The following MYH3 variants were observed in gnomAD, a reference collection of about 807,000 sequenced individuals.
MYH3 encodes myosin heavy chain 3.
MYH3 carries 130 observed loss-of-function variants against 238.0 expected under a neutral mutation model. That is an observed-to-expected ratio of 0.55 (90% confidence interval 0.47 to 0.63). MYH3 has a LOEUF of 0.63. Among genes scored for constraint, MYH3 ranks in the 30% least tolerant of loss-of-function variants. The pLI, the probability that MYH3 is intolerant of heterozygous loss-of-function variation, is 0.00. For missense variants in MYH3, 1,853 were observed against 2,374.9 expected, an observed-to-expected ratio of 0.78 and a Z score of 4.57; for synonymous variants, 880 against 924.1, an observed-to-expected ratio of 0.95 and a Z score of 0.86.
Position 10,633,380 on chromosome 17 carries a change from C to G in MYH3, c.4647+211G>C, listed in dbSNP as rs113342826. Among the ~76,000 whole-genome samples the G allele has an allele frequency of 1.9e-3, 288 of 152,202 alleles. 3 individuals carry two copies. The highest frequency in any genetic ancestry group is 6.3e-3 in the African/African-American group (263 of 41,522). On this transcript the variant is annotated intron_variant, in intron 33 of 40. Coordinates refer to ENST00000583535, the MANE Select transcript of MYH3 (RefSeq NM_002470.4). ...ATTTTGTAAAATCTCATCTTTAGGC[C>G]TATTTAATATGACAGTCTTCTCCAA...
At position 10,654,987 on chromosome 17, in the gene MYH3, C is replaced by T; in HGVS notation, c.78G>A (p.Glu26=). 1.2e-6 allele frequency: 2 copies of T among 1,614,178 alleles called. No homozygotes were observed. Among genetic ancestry groups the T allele is most frequent in the Non-Finnish European group, 1.7e-6 (2 of 1,180,030 alleles). ...TGGCATCAAAGGGCTGGTTCTGAGC[C>T]TCGATCCTCTCCTTTTCTGACTTCC... is the stretch of plus-strand genomic sequence containing the variant. ...FLRKSEKERI[E]AQNQPFDAKT... The change falls in exon 3 of 41, where the codon GAG becomes GAA. Residue 26 remains glutamate (E), a synonymous_variant. Coordinates refer to ENST00000583535, the MANE Select transcript of MYH3 (RefSeq NM_002470.4). The surrounding 1 kb of genome is among the most constrained non-coding windows in gnomAD (Gnocchi z 4.5).
Position 10,641,214 on chromosome 17 carries a change from A to C in MYH3, c.2048-12T>G, listed in dbSNP as rs1482093848. The C allele has an allele frequency of 4.3e-6, 7 of 1,612,820 alleles. No individual in the cohort carries two copies. The Middle Eastern group carries it at 5.0e-4, about 114-fold the overall frequency. On this transcript the variant is annotated splice_polypyrimidine_tract_variant and intron_variant, in intron 18 of 40. Transcript: ENST00000583535. Reference sequence around the variant, plus strand: ...GTGTTCCATAGCCCCTGGGAACAGAAGCGAGATATCAGCCTTACACAGAAT... The same window carrying C: ...GTGTTCCATAGCCCCTGGGAACAGACGCGAGATATCAGCCTTACACAGAAT...
At position 10,643,931 on chromosome 17, in the gene MYH3, G is replaced by A. The variant is rs370252371; in HGVS notation, c.1410+420C>T. Reference sequence around the variant, plus strand: ...TCCCAACACTTTCGGAGGCCGAGGCGGATGGATCACTTGAGGTCAGGAGTT... The same window carrying A: ...TCCCAACACTTTCGGAGGCCGAGGCAGATGGATCACTTGAGGTCAGGAGTT... On this transcript the variant is annotated intron_variant, in intron 14 of 40. Coordinates refer to ENST00000583535, the MANE Select transcript of MYH3 (RefSeq NM_002470.4). Among the ~76,000 whole-genome samples, 24 of 152,068 alleles carry A rather than the reference G, an allele frequency of 1.6e-4. 1 individual carries two copies. Among genetic ancestry groups the A allele is most frequent in the Admixed American group, 1.3e-4 (2 of 15,264 alleles).
upstream of MYH3, among the ~76,000 whole-genome samples, chr17:10,661,037 C>T (rs1235857164): frequency 1.1e-4 from 16 of 150,920 alleles, no homozygotes; most frequent in African/African-American, 2.9e-4. Context: ...AGTGCGATGG[C>T]GCTATCTTAG....
Position 10,640,168 on chromosome 17 carries a change from AT to A in MYH3, c.2509del (p.Ile837SerfsTer17). On this transcript the variant is annotated frameshift_variant, in exon 22 of 41. Transcript: ENST00000583535. LOFTEE classifies it high-confidence loss of function. ...HWPWMKLFFK[I>X]KPLLKSAETE... ...CTCTGCACTCTTGAGGAGGGGCTTGATCTTGAAGAAGAGTTTCATCCAGGGC... is the reference window on the plus strand; with the variant it reads ...CTCTGCACTCTTGAGGAGGGGCTTGACTTGAAGAAGAGTTTCATCCAGGGC... 3 of 1,614,090 alleles carry A rather than the reference AT, an allele frequency of 1.9e-6. No individual in the cohort carries two copies. Among genetic ancestry groups the A allele is most frequent in the Non-Finnish European group, 1.7e-6 (2 of 1,180,018 alleles).
At chr17:10,668,889 CTCT>C in the MYH3 span, among the ~76,000 whole-genome samples, 10 of 152,202 alleles carry the variant, frequency 6.6e-5, no homozygotes, top group Admixed American at 2.0e-4. Flanking sequence ...TGCCCTTTTT[CTCT>C]TAAGATGTTA....
In MYH3 at chr17:10,641,220, A is replaced by C; in HGVS notation, c.2048-18T>G. The C allele has an allele frequency of 1.2e-6, 2 of 1,612,428 alleles. No individual in the cohort carries two copies. Among genetic ancestry groups the C allele is most frequent in the Non-Finnish European group, 1.7e-6 (2 of 1,178,472 alleles). ...CATAGCCCCTGGGAACAGAAGCGAG[A>C]TATCAGCCTTACACAGAATTTCTTA... On this transcript the variant is annotated intron_variant, in intron 18 of 40. Transcript: ENST00000583535.
intron 30 of MYH3, 108 bp from the exon 31 acceptor site, chr17:10,635,131 G>A (rs1159441362): frequency 5.8e-6 from 8 of 1,374,924 alleles, no homozygotes; most frequent in African/African-American, 5.7e-5. Flanking sequence ...ACACCCATGT[G>A]TTTTTATACG....
intron 19 of MYH3, 150 bp from the exon 20 acceptor site, chr17:10,640,836 T>C (rs1436341266): frequency 8.8e-6 from 9 of 1,023,224 alleles, no homozygotes; most frequent in Non-Finnish European, 1.3e-5. Context: ...TAGAGAGCAG[T>C]CTAGAATCTA....
At chr17:10,649,316 G>C (rs1290587302) in intron 7 of MYH3, among the ~76,000 whole-genome samples, 1 of 152,182 alleles carries the variant, frequency 6.6e-6, no homozygotes, top group African/African-American at 2.4e-5. Flanking sequence ...AAAAGAACAA[G>C]CTCTCTGAGC....
Position 10,637,063 on chromosome 17 carries a change from C to CTTTTT in MYH3, c.3856+741_3856+745dup, listed in dbSNP as rs111976484. Among the ~76,000 whole-genome samples, 7 of 145,488 alleles carry CTTTTT rather than the reference C, an allele frequency of 4.8e-5. 1 individual carries two copies. The stretch of plus-strand genomic sequence containing the variant: ...AAACTCCAAATAACATTCCCTTAAA[C>CTTTTT]TTTTTTTTTTTTTGAGACAGAGTTT... On this transcript the variant is annotated intron_variant, in intron 28 of 40. Coordinates refer to ENST00000583535, the MANE Select transcript of MYH3 (RefSeq NM_002470.4).
At chr17:10,636,134 C>T (rs1373498646) in intron 28 of MYH3, among the ~76,000 whole-genome samples, 1 of 151,502 alleles carries the variant, frequency 6.6e-6, no homozygotes. Flanking sequence ...ACCAGCCTGG[C>T]CAATATGGTG....
intron 34 of MYH3, 110 bp downstream of exon 34, chr17:10,632,366 G>T: frequency 8.0e-7 from 1 of 1,252,810 alleles, no homozygotes; most frequent in Non-Finnish European, 1.2e-6. Flanking sequence ...TGAGCCTCTT[G>T]CCTCAGTCTC....
chr17:10,641,021 C>T (rs1597486987), intron 19 of MYH3, 64 bp downstream of exon 19: 5 of 1,259,612 alleles, frequency 4.0e-6, no homozygotes, highest in East Asian at 2.3e-5. Flanking sequence ...GAATCTTTCT[C>T]CCTCTCAAAT....
chr17:10,658,107 G>A (rs975724283), upstream of MYH3, among the ~76,000 whole-genome samples: 1 of 152,176 alleles, frequency 6.6e-6, no homozygotes, highest in Non-Finnish European at 1.5e-5. Flanking sequence ...GCTGGGATGG[G>A]GTAGGGGGAA....
At chr17:10,655,403 G>A (rs1319007891) in intron 2 of MYH3, among the ~76,000 whole-genome samples, 1 of 152,220 alleles carries the variant, frequency 6.6e-6, no homozygotes, top group Non-Finnish European at 1.5e-5. Context: ...TTCCGCTTCT[G>A]TGACAACCAG....
rs1466835112 is a variant in MYH3, at chr17:10,640,048, T to G, written c.2630A>C (p.Lys877Thr). ...CTTCTCTTGGACCAGAGTCACCAGT[T>G]TTTCCTCTAGCTCCTTCCTTTTTGC... is the stretch of plus-strand genomic sequence containing the variant. Reference protein sequence around the residue: ...SEAKRKELEEKLVTLVQEKND... With the variant: ...SEAKRKELEETLVTLVQEKND... Residue 877 changes from lysine to threonine, a missense_variant, in exon 22 of 41, where the codon AAA becomes ACA. Lys to Thr is a moderately conservative substitution (Grantham distance 78). Transcript: ENST00000583535. 6.2e-7 allele frequency: 1 copy of G among 1,614,160 alleles called. No individual in the cohort carries two copies. Among genetic ancestry groups the G allele is most frequent in the Non-Finnish European group, 8.5e-7 (1 of 1,180,032 alleles).
chr17:10,669,269 G>C, the MYH3 span, among the ~76,000 whole-genome samples: 17 of 152,246 alleles, frequency 1.1e-4, no homozygotes, highest in South Asian at 3.5e-3. Context: ...AAGTGGAGTT[G>C]AGGCCGGGTG....
intron 1 of MYH3, 34 bp from the exon 2 acceptor site, chr17:10,656,182 A>G (rs1249488566): frequency 1.3e-5 from 2 of 152,230 alleles, no homozygotes; most frequent in Admixed American, 6.5e-5. Flanking sequence ...ACTTAGCGGC[A>G]CTTGGGGTGG....
Sources: allele counts gnomAD v4.1 joint callset (sites outside exome capture counted in the v4.1 genomes callset), GRCh38; gene constraint gnomAD v4.1.1; non-coding constraint Gnocchi (gnomAD v3.1); transcripts MANE v1.5; gene names NCBI Gene and HGNC (gene_info 2026-07-23, HGNC 2026-07-21).